Variants in ZNF469 observed in about 807,000 individuals in gnomAD.
ZNF469 encodes zinc finger protein 469.
Under a neutral mutation model 1.0 loss-of-function variants are expected in ZNF469, and 1 was observed. The ratio of observed to expected loss-of-function variants is 1.00; its 90% CI spans 0.35 to 4.73. The LOEUF (loss-of-function observed/expected upper bound fraction) is 4.73. Ranked by LOEUF, ZNF469 falls within the 30% of genes most tolerant of loss-of-function variation. ZNF469 has a pLI of 0.16. For synonymous variants in ZNF469, 2,703 were observed against 2,363.4 expected (o/e 1.14, Z -4.17); for missense variants, 6,100 against 5,356.3 (o/e 1.14, Z -4.33).
At position 88,428,140 on chromosome 16, in the gene ZNF469, T is replaced by C; in HGVS notation, c.670T>C (p.Tyr224His). 1.9e-6 allele frequency: 3 copies of C among 1,550,056 alleles called. No individual in the cohort carries two copies. Among genetic ancestry groups the C allele is most frequent in the East Asian group, 2.4e-5 (1 of 40,884 alleles). ...CACCAGCCCCCTCCAGCCCGGTTCC[T>C]ATCCCGAATACCAGGCCAGTGGGGC... Reference protein sequence around the residue: ...RGTSPLQPGSYPEYQASGADS... With the variant: ...RGTSPLQPGSHPEYQASGADS... Residue 224 changes from tyrosine to histidine, a missense_variant, in exon 3 of 3, where the codon TAT (tyrosine) becomes CAT (histidine). Tyr to His is a moderately conservative substitution (Grantham distance 83). Coordinates refer to ENST00000565624, the MANE Select transcript of ZNF469 (RefSeq NM_001367624.2).
rs1168674223 is a variant in ZNF469 at position 88,422,432 on chromosome 16, ATGGGTGGG to A, written c.-191-2367_-191-2360del. On this transcript the variant is annotated intron_variant, in intron 1 of 2. Coordinates refer to ENST00000565624, the MANE Select transcript of ZNF469 (RefSeq NM_001367624.2). Reference sequence around the variant, plus strand: ...GGGTGGACAAATGGTAAAAGGGTGGATGGGTGGGTGGGTGGATGGATGGGTGGATGGGT... The same window carrying A: ...GGGTGGACAAATGGTAAAAGGGTGGATGGGTGGATGGATGGGTGGATGGGT... Among the ~76,000 whole-genome samples the A allele has an allele frequency of 8.1e-5, 8 of 98,606 alleles. 1 individual carries two copies. In the South Asian group the frequency reaches 1.2e-3, roughly 15 times the overall value. 64.7% of individuals were successfully genotyped at this position (98,606 alleles called of 152,430 possible). A position where few individuals can be genotyped will look rare whatever the true frequency, so the allele number is the denominator to read the frequency against.
chr16:88,261,403 C>T, the ZNF469 span, among the ~76,000 whole-genome samples: 5 of 152,254 alleles, frequency 3.3e-5, no homozygotes, highest in South Asian at 4.1e-4. This position sits in a 1 kb window ranked among gnomAD's most constrained non-coding sequence, Gnocchi z 6.0. Flanking sequence ...GTACATGTGC[C>T]GCAGCCCTGG....
chr16:88,202,816 C>T, the ZNF469 span, among the ~76,000 whole-genome samples: 13 of 152,266 alleles, frequency 8.5e-5, no homozygotes, highest in South Asian at 4.1e-4. Context: ...CGGCAGGGGC[C>T]GGGGGTCAAG....
At chr16:88,115,675 C>T in the ZNF469 span, among the ~76,000 whole-genome samples, 1 of 150,062 alleles carries the variant, frequency 6.7e-6, no homozygotes, top group South Asian at 2.1e-4. Context: ...TCTGGAGGCT[C>T]TGGGCCCTTC....
upstream of ZNF469, among the ~76,000 whole-genome samples, chr16:88,381,672 T>C (rs2092525774): frequency 6.6e-6 from 1 of 152,256 alleles, no homozygotes; most frequent in Non-Finnish European, 1.5e-5. Context: ...GCCATGGAAA[T>C]GTGAGCCAAG....
chr16:88,104,540 G>A, the ZNF469 span, among the ~76,000 whole-genome samples: 1 of 152,350 alleles, frequency 6.6e-6, no homozygotes, highest in South Asian at 2.1e-4. Flanking sequence ...CAGTCCTGGA[G>A]TCGTCAGCTC....
chr16:88,236,499 C>T, the ZNF469 span, among the ~76,000 whole-genome samples: 3 of 152,262 alleles, frequency 2.0e-5, no homozygotes. Context: ...ACAGCCTGAA[C>T]TTGTTTTTCA....
chr16:88,131,485 T>TTGTTAGAACCTCTC, the ZNF469 span, among the ~76,000 whole-genome samples: 1 of 144,632 alleles, frequency 6.9e-6, no homozygotes, highest in Non-Finnish European at 1.5e-5. Context: ...CGTGGCCTGT[T>TTGTTAGAACCTCTC]GTTAGAACCT....
chr16:88,365,817 C>T, the ZNF469 span, among the ~76,000 whole-genome samples: 1 of 152,126 alleles, frequency 6.6e-6, no homozygotes, highest in South Asian at 2.1e-4. Context: ...TTCCATTTAC[C>T]TTATCATGGC....
the ZNF469 span, among the ~76,000 whole-genome samples, chr16:88,233,611 G>A: frequency 1.3e-5 from 2 of 152,236 alleles, no homozygotes; most frequent in African/African-American, 4.8e-5. Flanking sequence ...AGTTTGATTA[G>A]GCTTAGGGCC....
rs527707590 is a variant in ZNF469, at chr16:88,438,210, C to T, written c.10740C>T (p.Asn3580=). Residue 3580 remains asparagine (N), a synonymous_variant, in exon 3 of 3, where the codon AAC becomes AAT. Transcript: ENST00000565624. ...ALDGALERPE[N]EASPGSPGPL... ...ACGGAGCCCTGGAGAGGCCAGAGAA[C>T]GAGGCTTCCCCAGGCAGCCCCGGGC... 2.1e-4 allele frequency: 324 copies of T among 1,546,880 alleles called. 5 individuals carry two copies. The South Asian group carries it at 3.0e-3, about 14-fold the overall frequency.
At chr16:88,134,631 A>C in the ZNF469 span, among the ~76,000 whole-genome samples, 1 of 152,326 alleles carries the variant, frequency 6.6e-6, no homozygotes, top group Admixed American at 6.5e-5. Flanking sequence ...AGCTCCTAAA[A>C]AGCGGCATCC....
chr16:88,433,389 T>G lies in ZNF469; in HGVS notation c.5919T>G (p.His1973Gln). 1.3e-6 allele frequency: 2 copies of G among 1,550,256 alleles called. No individual in the cohort carries two copies. The highest frequency in any genetic ancestry group is 1.7e-6 in the Non-Finnish European group (2 of 1,146,924). Residue 1973 changes from histidine (H) to glutamine (Q), a missense_variant, in exon 3 of 3, where the codon CAT (histidine) becomes CAG (glutamine). Physicochemically the swap from His to Gln is conservative, Grantham distance 24. Transcript: ENST00000565624. The part of the protein sequence containing the change: ...QVTTLPAVAG[H>Q]QLGLEADGHW... ...CAACTCTCCCTGCAGTGGCCGGACA[T>G]CAGCTGGGGCTGGAGGCAGATGGAC...
the ZNF469 span, among the ~76,000 whole-genome samples, chr16:88,245,181 T>C: frequency 7.9e-5 from 12 of 152,166 alleles, no homozygotes; most frequent in Non-Finnish European, 1.5e-4. Flanking sequence ...TCCTTCCTGA[T>C]GAAGATGTCT....
chr16:88,253,183 C>A, the ZNF469 span, among the ~76,000 whole-genome samples: 2 of 152,198 alleles, frequency 1.3e-5, no homozygotes. Flanking sequence ...GCATTCTTAT[C>A]CATGCCTTCT....
At chr16:88,235,372 T>TG in the ZNF469 span, among the ~76,000 whole-genome samples, 97 of 152,202 alleles carry the variant, frequency 6.4e-4, no homozygotes, top group African/African-American at 2.3e-3. Flanking sequence ...CTCCTTTGAG[T>TG]GGCCACCCTC....
intron 1 of ZNF469, among the ~76,000 whole-genome samples, chr16:88,422,994 T>C (rs1425445915): frequency 6.7e-6 from 1 of 149,076 alleles, no homozygotes; most frequent in African/African-American, 2.5e-5. Flanking sequence ...GATGGATGGA[T>C]AGATGGATCA....
At chr16:88,168,379 C>T in the ZNF469 span, among the ~76,000 whole-genome samples, 9 of 152,154 alleles carry the variant, frequency 5.9e-5, no homozygotes, top group South Asian at 2.1e-4. The surrounding 1 kb of genome is among the most constrained non-coding windows in gnomAD (Gnocchi z 4.3). Context: ...AGGCTGACAA[C>T]GGCCTTGAGC....
chr16:88,255,185 C>T, the ZNF469 span, among the ~76,000 whole-genome samples: 2 of 152,206 alleles, frequency 1.3e-5, no homozygotes, highest in African/African-American at 4.8e-5. Flanking sequence ...GTGGGTTGCT[C>T]TTGCCAATGT....
Sources: gnomAD v4.1 joint callset for allele counts (sites outside exome capture counted in the v4.1 genomes callset) on GRCh38, gnomAD v4.1.1 for gene constraint, Gnocchi (gnomAD v3.1) non-coding constraint, MANE v1.5 for transcripts, NCBI Gene and HGNC (gene_info 2026-07-23, HGNC 2026-07-21) for gene names.